SLC9A4: variants seen among roughly 807,000 people sequenced by gnomAD.
The protein encoded by SLC9A4 is sodium/hydrogen exchanger 4.
Under a neutral mutation model 67.4 loss-of-function variants are expected in SLC9A4, and 63 were observed. The ratio of observed to expected loss-of-function variants is 0.93; its 90% CI spans 0.76 to 1.15. The LOEUF is 1.15. Among genes scored for constraint, SLC9A4 ranks in the 50% most tolerant of loss-of-function variants. SLC9A4 has a pLI of 0.00. For missense variants in SLC9A4, 1,089 were observed against 987.7 expected, an observed-to-expected ratio of 1.10 and a Z score of -1.38; for synonymous variants, 393 against 367.2, an observed-to-expected ratio of 1.07 and a Z score of -0.80.
rs1685101253 is a variant in SLC9A4 at position 102,508,857 on chromosome 2, T to G, written c.1412T>G (p.Val471Gly). Reference sequence around the variant, plus strand: ...TTATTTCTGATCTAGGGAATCACAGTTGGCCCTCTGGTCAGGTACCTGGAT... The same window carrying G: ...TTATTTCTGATCTAGGGAATCACAGGTGGCCCTCTGGTCAGGTACCTGGAT... ...YFTVFIQGIT[V>G]GPLVRYLDVK... Residue 471 changes from valine (V) to glycine (G), a missense_variant, in exon 6 of 12, where the codon GTT (valine) becomes GGT (glycine). Val to Gly is a moderately radical substitution (Grantham distance 109). Transcript: ENST00000295269. 1.1e-5 allele frequency: 17 copies of G among 1,612,818 alleles called. No homozygotes were observed. The highest frequency in any genetic ancestry group is 1.4e-5 in the Non-Finnish European group (16 of 1,179,596).
Position 102,508,876 on chromosome 2 carries a change from C to G in SLC9A4, c.1431C>G (p.Tyr477Ter), listed in dbSNP as rs748988940. ...TCACAGTTGGCCCTCTGGTCAGGTACCTGGATGTTAAAAAAACCAATAAAA... is the reference window on the plus strand; with the variant it reads ...TCACAGTTGGCCCTCTGGTCAGGTAGCTGGATGTTAAAAAAACCAATAAAA... ...QGITVGPLVR[Y>*]LDVKKTNKKE... The change falls in exon 6 of 12, where the codon TAC (tyrosine) becomes TAG (stop). Residue 477 changes from tyrosine to a stop codon, truncating the protein, a stop_gained. Transcript: ENST00000295269. LOFTEE classifies it high-confidence loss of function. The G allele has an allele frequency of 2.5e-5, 41 of 1,613,020 alleles. No individual in the cohort carries two copies. The highest frequency in any genetic ancestry group is 3.4e-5 in the Non-Finnish European group (40 of 1,179,712).
chr2:102,515,088 T>C (rs1481387729), intron 8 of SLC9A4, among the ~76,000 whole-genome samples: 2 of 152,110 alleles, frequency 1.3e-5, no homozygotes, highest in African/African-American at 4.8e-5. Context: ...CAACAACTGA[T>C]TTATTGGGAA....
intron 9 of SLC9A4, among the ~76,000 whole-genome samples, chr2:102,523,667 A>G (rs550596194): frequency 1.3e-5 from 2 of 151,862 alleles, no homozygotes; most frequent in Non-Finnish European, 2.9e-5. Context: ...TGGAGCCTCT[A>G]CTCCTTGGCA....
chr2:102,517,242 G>A (rs1008965492), intron 8 of SLC9A4, among the ~76,000 whole-genome samples: 2 of 152,132 alleles, frequency 1.3e-5, no homozygotes, highest in Non-Finnish European at 2.9e-5. Context: ...TCCACTGTGT[G>A]CACCGCAGGC....
At chr2:102,490,150 G>C (rs926690423) in intron 2 of SLC9A4, among the ~76,000 whole-genome samples, 1 of 151,762 alleles carries the variant, frequency 6.6e-6, no homozygotes, top group African/African-American at 2.4e-5. Flanking sequence ...AATTAGTTAG[G>C]CTTTTTGTTT....
chr2:102,523,589 C>G (rs965693336), intron 9 of SLC9A4, among the ~76,000 whole-genome samples: 3 of 152,044 alleles, frequency 2.0e-5, no homozygotes, highest in African/African-American at 7.2e-5. Flanking sequence ...TCTTTCTCAC[C>G]CTGTGGGGCA....
rs538645652 is a variant in SLC9A4, at chr2:102,522,305, G to A, written c.1818+2350G>A. On this transcript the variant is annotated intron_variant, in intron 9 of 11. Coordinates refer to ENST00000295269, the MANE Select transcript of SLC9A4 (RefSeq NM_001011552.4). ...AGTTAATACACATCTAGAATGCACC[G>A]GGCATCAGGAACACTGCACTGAAAA... Among the ~76,000 whole-genome samples the A allele has an allele frequency of 3.9e-5, 6 of 152,052 alleles. 1 individual carries two copies. Among genetic ancestry groups the A allele is most frequent in the Non-Finnish European group, 5.9e-5 (4 of 67,992 alleles).
In SLC9A4 at chr2:102,491,023, A is replaced by AT. The variant is rs550186199; in HGVS notation, c.720+11722dup. Among the ~76,000 whole-genome samples the AT allele has an allele frequency of 6.6e-5, 10 of 152,296 alleles. No homozygotes were observed. In the South Asian group the frequency reaches 2.1e-3, roughly 32 times the overall value. ...AAATGCCCCATTCTGGAAATGACAT[A>AT]TATCTCTTCTATTTGAAACTCTCTC... On this transcript the variant is annotated intron_variant, in intron 2 of 11. Coordinates refer to ENST00000295269, the MANE Select transcript of SLC9A4 (RefSeq NM_001011552.4).
intron 4 of SLC9A4, among the ~76,000 whole-genome samples, chr2:102,506,244 A>AT (rs547382598): frequency 6.6e-6 from 1 of 152,226 alleles, no homozygotes; most frequent in Non-Finnish European, 1.5e-5. Flanking sequence ...GAACTACAAT[A>AT]TATGTGTTGC....
intron 2 of SLC9A4, among the ~76,000 whole-genome samples, chr2:102,482,013 G>A (rs1684475486): frequency 6.6e-6 from 1 of 152,174 alleles, no homozygotes; most frequent in South Asian, 2.1e-4. Flanking sequence ...CATGAAGCCG[G>A]ACGTCAAATC....
At chr2:102,493,626 C>A (rs1450467446) in intron 2 of SLC9A4, among the ~76,000 whole-genome samples, 1 of 151,832 alleles carries the variant, frequency 6.6e-6, no homozygotes, top group African/African-American at 2.4e-5. Context: ...AACTACAATT[C>A]AAGAAGAGAT....
chr2:102,524,235 TGTG>T (rs1472729694), intron 9 of SLC9A4, among the ~76,000 whole-genome samples: 1 of 152,186 alleles, frequency 6.6e-6, no homozygotes, highest in Non-Finnish European at 1.5e-5. Context: ...TCCAGGACTT[TGTG>T]GTTTATCAGT....
chr2:102,478,733 T>C (rs1467764296), intron 1 of SLC9A4, 106 bp from the exon 2 acceptor site: 15 of 1,105,856 alleles, frequency 1.4e-5, no homozygotes, highest in Non-Finnish European at 1.8e-5. Flanking sequence ...GAGGCTGAGA[T>C]GCCAGTCAGC....
rs537693060 is a variant in SLC9A4 at position 102,523,822 on chromosome 2, T to C, written c.1819-1202T>C. On this transcript the variant is annotated intron_variant, in intron 9 of 11. Coordinates refer to ENST00000295269, the MANE Select transcript of SLC9A4 (RefSeq NM_001011552.4). Reference sequence around the variant, plus strand: ...CATCCTCTGACTGTTCTCTCACCTCTAAGGTGGTTACCAGCTGATGTCTTA... The same window carrying C: ...CATCCTCTGACTGTTCTCTCACCTCCAAGGTGGTTACCAGCTGATGTCTTA... Among the ~76,000 whole-genome samples the C allele has an allele frequency of 2.5e-4, 38 of 152,336 alleles. No homozygotes were observed. The South Asian group carries it at 7.9e-3, about 32-fold the overall frequency.
chr2:102,485,203 T>G (rs1684561486), intron 2 of SLC9A4, among the ~76,000 whole-genome samples: 1 of 152,232 alleles, frequency 6.6e-6, no homozygotes, highest in Non-Finnish European at 1.5e-5. Flanking sequence ...TCTTCACTGT[T>G]ATTTTTGTTA....
At position 102,479,027 on chromosome 2, in the gene SLC9A4, C is replaced by CG; in HGVS notation, c.447dup (p.Pro150AlafsTer4). 1 of 1,614,158 alleles carries CG rather than the reference C, an allele frequency of 6.2e-7. No homozygotes were observed. The highest frequency in any genetic ancestry group is 1.7e-5 in the Admixed American group (1 of 59,968). On this transcript the variant is annotated frameshift_variant, in exon 2 of 12. Coordinates refer to ENST00000295269, the MANE Select transcript of SLC9A4 (RefSeq NM_001011552.4). LOFTEE classifies it high-confidence loss of function. The stretch of plus-strand genomic sequence containing the variant: ...GGAGGGCGGCTACTTCATGCCCACC[C>CG]GGCCCTTCTTTGAGAACATCGGCTC...
rs186258198 is a variant in SLC9A4 at position 102,486,517 on chromosome 2, C to G, written c.720+7215C>G. Reference sequence around the variant, plus strand: ...AGCATCTTGAGGGGAGAGTAGGCATCTTTTCCTTGTCTTCTTTATATTTTC... The same window carrying G: ...AGCATCTTGAGGGGAGAGTAGGCATGTTTTCCTTGTCTTCTTTATATTTTC... On this transcript the variant is annotated intron_variant, in intron 2 of 11. Coordinates refer to ENST00000295269, the MANE Select transcript of SLC9A4 (RefSeq NM_001011552.4). 1.2e-3 allele frequency among the ~76,000 whole-genome samples: 182 copies of G among 152,306 alleles called. 2 individuals carry two copies. Among genetic ancestry groups the G allele is most frequent in the African/African-American group, 4.1e-3 (171 of 41,562 alleles).
chr2:102,494,908 C>T (rs576677724), intron 2 of SLC9A4, among the ~76,000 whole-genome samples: 1 of 152,144 alleles, frequency 6.6e-6, no homozygotes, highest in South Asian at 2.1e-4. Flanking sequence ...TAATACCTTT[C>T]TCTTAGGAAA....
intron 2 of SLC9A4, among the ~76,000 whole-genome samples, chr2:102,492,347 GC>G (rs1219524944): frequency 6.6e-6 from 1 of 152,238 alleles, no homozygotes; most frequent in Non-Finnish European, 1.5e-5. Context: ...TAAGGGCCCT[GC>G]CCCTGCAGAA....
Sources: gnomAD v4.1 joint callset for allele counts (sites outside exome capture counted in the v4.1 genomes callset) on GRCh38, gnomAD v4.1.1 for gene constraint, MANE v1.5 for transcripts, NCBI Gene and HGNC (gene_info 2026-07-23, HGNC 2026-07-21) for gene names.